CSGALNACT1: variants seen among roughly 807,000 people sequenced by gnomAD.
The protein encoded by CSGALNACT1 is chondroitin sulfate N-acetylgalactosaminyltransferase 1.
CSGALNACT1 carries 52 observed loss-of-function variants against 51.0 expected under a neutral mutation model. The ratio of observed to expected loss-of-function variants is 1.02; its 90% CI spans 0.82 to 1.29. CSGALNACT1 has a LOEUF of 1.29. Among genes scored for constraint, CSGALNACT1 ranks in the 50% most tolerant of loss-of-function variants. The pLI is 0.00. For synonymous variants in CSGALNACT1, 341 were observed against 254.4 expected (o/e 1.34, Z -3.24); for missense variants, 935 against 679.2 (o/e 1.38, Z -4.19).
intron 1 of CSGALNACT1, among the ~76,000 whole-genome samples, chr8:19,675,782 C>T (rs571845171): frequency 1.3e-5 from 2 of 152,144 alleles, no homozygotes; most frequent in African/African-American, 4.8e-5. Context: ...GCCACTGTGC[C>T]CTGCGCCCTA....
intron 1 of CSGALNACT1, among the ~76,000 whole-genome samples, chr8:19,720,513 T>C (rs540665180): frequency 3.3e-5 from 5 of 152,326 alleles, no homozygotes; most frequent in Admixed American, 2.6e-4. Context: ...GGAGAGACAC[T>C]GTTCAATCCA....
At chr8:19,607,111 C>T (rs891797260), upstream of CSGALNACT1, among the ~76,000 whole-genome samples, 5 of 151,168 alleles carry the variant, frequency 3.3e-5, no homozygotes, top group African/African-American at 7.3e-5. Context: ...GCTGAGAACG[C>T]GCCACGGCAC....
At chr8:19,619,436 A>C (rs1400141635) in intron 1 of CSGALNACT1, among the ~76,000 whole-genome samples, 1 of 152,096 alleles carries the variant, frequency 6.6e-6, no homozygotes, top group Non-Finnish European at 1.5e-5. Flanking sequence ...TGGAGTCGCA[A>C]AGACCTTATT....
chr8:19,740,850 A>G (rs2064267896), intron 1 of CSGALNACT1, among the ~76,000 whole-genome samples: 1 of 152,220 alleles, frequency 6.6e-6, no homozygotes, highest in South Asian at 2.1e-4. Flanking sequence ...GCTTATGGAT[A>G]GTTATTTGCT....
intron 2 of CSGALNACT1, among the ~76,000 whole-genome samples, chr8:19,598,582 G>C (rs150969279): frequency 6.6e-6 from 1 of 152,074 alleles, no homozygotes; most frequent in Non-Finnish European, 1.5e-5. Flanking sequence ...AAATGATTGC[G>C]TCAGCTACTA....
intron 6 of CSGALNACT1, among the ~76,000 whole-genome samples, chr8:19,421,843 T>C (rs2058001825): frequency 6.6e-6 from 1 of 152,172 alleles, no homozygotes; most frequent in African/African-American, 2.4e-5. Flanking sequence ...ATGTCAGAGT[T>C]TGATGCCAAA....
In CSGALNACT1 at chr8:19,408,782, G is replaced by A. The variant is rs140513302; in HGVS notation, c.1228-88C>T. 434 of 1,144,802 alleles carry A rather than the reference G, an allele frequency of 3.8e-4. 8 individuals carry two copies. The East Asian group carries it at 0.01, about 27-fold the overall frequency. 70.9% of individuals were successfully genotyped at this position (1,144,802 alleles called of 1,614,324 possible). On this transcript the variant is annotated intron_variant, in intron 8 of 9. Coordinates refer to ENST00000454498, the Ensembl canonical transcript of CSGALNACT1. ...AAACTCCTGTGAGCCACCGTGGAGT[G>A]TGGAGCCCATCCCATCACTGATAAA...
At chr8:19,610,942 C>A (rs977453472) in intron 1 of CSGALNACT1, among the ~76,000 whole-genome samples, 1 of 152,236 alleles carries the variant, frequency 6.6e-6, no homozygotes, top group Admixed American at 6.5e-5. Context: ...CTGTCAACGT[C>A]CACCCCGAGA....
At chr8:19,478,735 A>G (rs1563631048) in intron 4 of CSGALNACT1, among the ~76,000 whole-genome samples, 1 of 152,180 alleles carries the variant, frequency 6.6e-6, no homozygotes, top group Non-Finnish European at 1.5e-5. Context: ...GAATTGCTCC[A>G]CTGCTATAAA....
At chr8:19,712,916 G>A (rs573213033) in intron 1 of CSGALNACT1, among the ~76,000 whole-genome samples, 2 of 152,288 alleles carry the variant, frequency 1.3e-5, no homozygotes, top group East Asian at 3.9e-4. Flanking sequence ...GGCTCCTGGT[G>A]GACCCTATGC....
At chr8:19,582,671 T>C (rs527398427) in intron 3 of CSGALNACT1, among the ~76,000 whole-genome samples, 41 of 152,286 alleles carry the variant, frequency 2.7e-4, no homozygotes, top group African/African-American at 9.9e-4. Context: ...ACTCTTCAGC[T>C]TGACTTAAAT....
At chr8:19,405,879 G>T in exon 10 of CSGALNACT1, 2 of 1,614,090 alleles carry the variant, frequency 1.2e-6, no homozygotes, top group East Asian at 2.2e-5. Context: ...GGGATGCCTC[G>T]TTCATGGCCT....
At chr8:19,721,001 T>C (rs1030380467) in intron 1 of CSGALNACT1, among the ~76,000 whole-genome samples, 3 of 152,122 alleles carry the variant, frequency 2.0e-5, no homozygotes, top group Admixed American at 1.3e-4. Context: ...ACACTGGGTT[T>C]TAAAGCACTG....
intron 5 of CSGALNACT1, among the ~76,000 whole-genome samples, chr8:19,445,212 A>T (rs1290580340): frequency 6.6e-6 from 1 of 152,190 alleles, no homozygotes; most frequent in Non-Finnish European, 1.5e-5. Flanking sequence ...CCTTTTGCAA[A>T]CTTCCCAGAC....
At chr8:19,536,003 A>T (rs2083653019) in intron 3 of CSGALNACT1, among the ~76,000 whole-genome samples, 1 of 152,200 alleles carries the variant, frequency 6.6e-6, no homozygotes, top group Non-Finnish European at 1.5e-5. Flanking sequence ...AAGAAAAGGC[A>T]TACAGATTAG....
chr8:19,532,009 T>C (rs1406804554), intron 3 of CSGALNACT1: 1 of 151,926 alleles, frequency 6.6e-6, no homozygotes, highest in Non-Finnish European at 1.5e-5. Context: ...GCTGGTTGAG[T>C]TTTTCTTTCC....
At chr8:19,598,414 C>A (rs1054626783) in intron 2 of CSGALNACT1, among the ~76,000 whole-genome samples, 1 of 152,116 alleles carries the variant, frequency 6.6e-6, no homozygotes, top group African/African-American at 2.4e-5. Context: ...TTCCATTCAA[C>A]GAAAATATTT....
intron 3 of CSGALNACT1, among the ~76,000 whole-genome samples, chr8:19,565,589 T>G (rs573696851): frequency 1.3e-5 from 2 of 152,204 alleles, no homozygotes; most frequent in Non-Finnish European, 2.9e-5. Context: ...CTTCATTGGT[T>G]GTACTACTGA....
chr8:19,569,988 G>A (rs1379744375), intron 3 of CSGALNACT1, among the ~76,000 whole-genome samples: 1 of 152,110 alleles, frequency 6.6e-6, no homozygotes, highest in Non-Finnish European at 1.5e-5. Flanking sequence ...AAGTTCAAGA[G>A]CAGGCAAAAG....
Sources: gnomAD v4.1 joint callset for allele counts (sites outside exome capture counted in the v4.1 genomes callset) on GRCh38, gnomAD v4.1.1 for gene constraint, MANE v1.5 for transcripts, NCBI Gene and HGNC (gene_info 2026-07-23, HGNC 2026-07-21) for gene names.